The following HDGFL2 variants were observed in gnomAD, a reference collection of about 807,000 sequenced individuals.
HDGFL2 encodes the protein hepatoma-derived growth factor-related protein 2.
A neutral mutation model predicts 77.1 loss-of-function variants in HDGFL2; 36 were observed. That is an observed-to-expected ratio of 0.47 (90% CI 0.36 to 0.62). HDGFL2 has a LOEUF of 0.62. Ranked by LOEUF, HDGFL2 falls within the 20% of genes least tolerant of loss-of-function variation. The pLI, the probability that HDGFL2 is intolerant of heterozygous loss-of-function variation, is 0.00. For missense variants in HDGFL2, 976 were observed against 973.4 expected (o/e 1.00, Z -0.04); for synonymous variants, 463 against 413.1 (o/e 1.12, Z -1.46).
chr19:4,485,328 CT>C (rs1208023477), intron 3 of HDGFL2, among the ~76,000 whole-genome samples: 2 of 152,170 alleles, frequency 1.3e-5, no homozygotes, highest in African/African-American at 4.8e-5. Context: ...ATGCTGTGGC[CT>C]GGGTCAGAGC....
chr19:4,492,447 A>G (rs1975541121), intron 6 of HDGFL2, among the ~76,000 whole-genome samples: 1 of 148,682 alleles, frequency 6.7e-6, no homozygotes, highest in Non-Finnish European at 1.5e-5. Context: ...TTCCTATGTG[A>G]GTATATGTGG....
rs571098136 is a variant in HDGFL2, at chr19:4,498,096, C to T, written c.1402+65C>T. Reference sequence around the variant, plus strand: ...CTGAGGGGAACGGGGACAGCCGTGGCGTGGCTGGCCTGTCCCGCCTGTCCC... The same window carrying T: ...CTGAGGGGAACGGGGACAGCCGTGGTGTGGCTGGCCTGTCCCGCCTGTCCC... On this transcript the variant is annotated intron_variant, in intron 11 of 15. Coordinates refer to ENST00000616600, the MANE Select transcript of HDGFL2 (RefSeq NM_001001520.3). The T allele has an allele frequency of 2.4e-5, 34 of 1,429,068 alleles. 1 individual carries two copies. The highest frequency in any genetic ancestry group is 1.2e-4 in the South Asian group (10 of 80,050). The allele number at this position is 1,429,068 out of a possible 1,614,324, so 88.5% of individuals were successfully genotyped here.
chr19:4,496,420 G>T lies in HDGFL2; in HGVS notation c.1328+15G>T, dbSNP rs1975704363. 2 of 1,606,252 alleles carry T rather than the reference G, an allele frequency of 1.2e-6. No individual in the cohort carries two copies. The highest frequency in any genetic ancestry group is 1.7e-6 in the Non-Finnish European group (2 of 1,174,392). On this transcript the variant is annotated intron_variant, in intron 10 of 15. Transcript: ENST00000616600. ...CAACAAGCCAAGTGAGCCCTGCTCT[G>T]CCCCTCCACACCCTGGGGGCCCCGC...
At chr19:4,472,456 G>GA (rs1387320259) in intron 1 of HDGFL2, 34 bp downstream of exon 1, 8 of 463,794 alleles carry the variant, frequency 1.7e-5, no homozygotes, top group South Asian at 1.7e-4. Context: ...CCGGTGGGGG[G>GA]GGGGGGGGGG....
Position 4,484,395 on chromosome 19 carries a change from T to G in HDGFL2, c.289-4281T>G, listed in dbSNP as rs139568948. ...CACCACGCCCGGCCTGTTTTATTAT[T>G]ATTTTTTTTCCCATCGAGATAACTT... On this transcript the variant is annotated intron_variant, in intron 3 of 15. Transcript: ENST00000616600. Among the ~76,000 whole-genome samples, 57 of 152,320 alleles carry G rather than the reference T, an allele frequency of 3.7e-4. No homozygotes were observed. The East Asian group carries it at 8.5e-3, about 23-fold the overall frequency.
chr19:4,489,621 C>A (rs61364243), intron 4 of HDGFL2, among the ~76,000 whole-genome samples: 3,662 of 152,178 alleles, frequency 0.024, 139 homozygotes, highest in African/African-American at 0.084. Context: ...CCAGGCTGGT[C>A]TTGATCTCCT....
intron 14 of HDGFL2, among the ~76,000 whole-genome samples, chr19:4,500,522 G>A (rs1455701835): frequency 1.4e-5 from 2 of 145,118 alleles, no homozygotes; most frequent in East Asian, 2.0e-4. Context: ...GTGCAGTAGC[G>A]TGATCTTGGC....
At position 4,499,549 on chromosome 19, in the gene HDGFL2, G is replaced by A. The variant is rs199605023; in HGVS notation, c.1634G>A (p.Arg545Gln). Residue 545 changes from arginine (R) to glutamine (Q), a missense_variant, in exon 14 of 16, where the codon CGG (arginine) becomes CAG (glutamine). By Grantham distance (43) the Arg-to-Gln change is conservative (BLOSUM62 1). Around this residue, in one of 5 missense-constraint regions of HDGFL2, gnomAD observed 229 missense variants for 187.3 expected, o/e 1.22. Transcript: ENST00000616600. ...GAGAAGGCAGCAGAAGTCTATACCC[G>A]GCTCAAGTCGCGGGTCCTCGGCCCA... Reference protein sequence around the residue: ...VMEKAAEVYTRLKSRVLGPKI... With the variant: ...VMEKAAEVYTQLKSRVLGPKI... 3.0e-5 allele frequency: 48 copies of A among 1,613,714 alleles called. No individual in the cohort carries two copies. Among genetic ancestry groups the A allele is most frequent in the Non-Finnish European group, 3.4e-5 (40 of 1,179,978 alleles).
intron 3 of HDGFL2, among the ~76,000 whole-genome samples, chr19:4,479,015 C>A (rs1283035586): frequency 6.6e-6 from 1 of 151,572 alleles, no homozygotes; most frequent in Non-Finnish European, 1.5e-5. Context: ...AGTAGATGAG[C>A]AGAATGAGAC....
chr19:4,499,855 C>T (rs1411246916), intron 14 of HDGFL2, 151 bp downstream of exon 14: 14 of 684,594 alleles, frequency 2.0e-5, no homozygotes, highest in East Asian at 1.1e-4. Context: ...CGTGCAGACC[C>T]GGCTTTAATC....
intron 3 of HDGFL2, among the ~76,000 whole-genome samples, chr19:4,488,354 C>T (rs1210449783): frequency 5.3e-5 from 8 of 152,230 alleles, no homozygotes; most frequent in African/African-American, 1.9e-4. Flanking sequence ...TTCCTGGTCA[C>T]AGGCCTCTGA....
At chr19:4,493,110 GTGT>G (rs1167135766) in intron 6 of HDGFL2, among the ~76,000 whole-genome samples, 7 of 141,448 alleles carry the variant, frequency 4.9e-5, no homozygotes, top group African/African-American at 5.4e-5. Flanking sequence ...TGTGGTGTGT[GTGT>G]TGTCTGTGTG....
At chr19:4,489,011 T>C (rs1350603622) in intron 4 of HDGFL2, 135 bp downstream of exon 4, 2 of 671,412 alleles carry the variant, frequency 3.0e-6, no homozygotes, top group African/African-American at 3.7e-5. Flanking sequence ...TGGAGTGCAG[T>C]GGCGTGATCT....
intron 3 of HDGFL2, among the ~76,000 whole-genome samples, chr19:4,483,777 T>C (rs1163709878): frequency 1.4e-5 from 2 of 147,928 alleles, no homozygotes; most frequent in Admixed American, 1.4e-4. Flanking sequence ...TGGGACTTAA[T>C]TGTTTCATGA....
At chr19:4,479,903 C>G (rs1385400944) in intron 3 of HDGFL2, among the ~76,000 whole-genome samples, 1 of 115,750 alleles carries the variant, frequency 8.6e-6, no homozygotes, top group Admixed American at 1.1e-4. Context: ...GAGACTCTGT[C>G]TAAAAAAAAA....
At position 4,501,710 on chromosome 19, in the gene HDGFL2, T is replaced by A. The variant is rs1975892387; in HGVS notation, c.1917-201T>A. Reference sequence around the variant, plus strand: ...CACTTACCCAGCAGCTGCCTTGTGCTATGCCTGGCTGGCGCCAGCGTGGGG... The same window carrying A: ...CACTTACCCAGCAGCTGCCTTGTGCAATGCCTGGCTGGCGCCAGCGTGGGG... On this transcript the variant is annotated intron_variant, in intron 15 of 15. Transcript: ENST00000616600. The A allele has an allele frequency of 7.6e-6, 4 of 525,060 alleles. No homozygotes were observed. The South Asian group carries it at 1.2e-4, about 16-fold the overall frequency. 32.5% of individuals were successfully genotyped at this position (525,060 alleles called of 1,614,324 possible).
At chr19:4,484,797 G>C (rs908152046) in intron 3 of HDGFL2, among the ~76,000 whole-genome samples, 3 of 147,692 alleles carry the variant, frequency 2.0e-5, no homozygotes, top group African/African-American at 7.5e-5. Flanking sequence ...TCAGCCTCCC[G>C]AGTTGCTGGG....
chr19:4,477,114 T>A (rs1474024458), intron 3 of HDGFL2, among the ~76,000 whole-genome samples: 1 of 151,932 alleles, frequency 6.6e-6, no homozygotes, highest in Non-Finnish European at 1.5e-5. Flanking sequence ...GAACCTGGGG[T>A]CTTGAGGTGG....
At chr19:4,486,903 CTG>C (rs1568209252) in intron 3 of HDGFL2, among the ~76,000 whole-genome samples, 1 of 152,196 alleles carries the variant, frequency 6.6e-6, no homozygotes, top group African/African-American at 2.4e-5. Context: ...GACAACTCCT[CTG>C]TAAAAATGTC....
Sources: gnomAD v4.1 joint callset for allele counts (sites outside exome capture counted in the v4.1 genomes callset) on GRCh38, gnomAD v4.1.1 for gene constraint, gnomAD v4.1.1 regional missense constraint, MANE v1.5 for transcripts, NCBI Gene and HGNC (gene_info 2026-07-23, HGNC 2026-07-21) for gene names.